Variants in CLEC4A observed in about 807,000 individuals in gnomAD.
CLEC4A encodes the protein C-type lectin domain family 4 member A.
Under a neutral mutation model 32.7 loss-of-function variants are expected in CLEC4A, and 27 were observed. That is an observed-to-expected ratio of 0.83 (90% CI 0.61 to 1.14). The LOEUF (loss-of-function observed/expected upper bound fraction) is 1.14. Among genes scored for constraint, CLEC4A ranks in the 50% most tolerant of loss-of-function variants. The pLI is 0.00. For synonymous variants in CLEC4A, 89 were observed against 93.7 expected (o/e 0.95, Z 0.29); for missense variants, 253 against 274.6 (o/e 0.92, Z 0.55).
intron 3 of CLEC4A, chr12:8,134,580 T>C (rs920281069): frequency 1.9e-6 from 3 of 1,613,226 alleles, no homozygotes; most frequent in Admixed American, 1.7e-5. Flanking sequence ...CTGAGAGGTC[T>C]CCAAGCCGTC....
intron 3 of CLEC4A, chr12:8,134,839 G>A: frequency 6.5e-7 from 1 of 1,544,940 alleles, no homozygotes; most frequent in Non-Finnish European, 8.7e-7. Flanking sequence ...TCCGAAGCCA[G>A]GTGTCCCGCC....
the CLEC4A span, among the ~76,000 whole-genome samples, chr12:8,104,898 CA>C: frequency 9.7e-4 from 148 of 152,240 alleles, no homozygotes; most frequent in Middle Eastern, 0.01. Flanking sequence ...CTGCCAAGGA[CA>C]TGTTCTTTTT....
the CLEC4A span, among the ~76,000 whole-genome samples, chr12:8,103,373 G>GTTTTTTTTTTTTTT: frequency 7.8e-4 from 61 of 78,010 alleles, 10 homozygotes; most frequent in African/African-American, 1.6e-3. Flanking sequence ...GTTTCTTTCT[G>GTTTTTTTTTTTTTT]TTGTTTTTTT....
the CLEC4A span, among the ~76,000 whole-genome samples, chr12:8,113,819 A>G: frequency 6.6e-6 from 1 of 152,202 alleles, no homozygotes; most frequent in African/African-American, 2.4e-5. Flanking sequence ...TGGGCAACTG[A>G]GACTCCATTC....
intron 3 of CLEC4A, chr12:8,133,983 C>A: frequency 6.2e-7 from 1 of 1,608,200 alleles, no homozygotes; most frequent in Non-Finnish European, 8.5e-7. Context: ...TGTGCATAGC[C>A]ACTGCTTGAT....
In CLEC4A at chr12:8,135,604, C is replaced by T. The variant is rs1250413349; in HGVS notation, c.318C>T (p.Cys106=). 2 of 1,613,998 alleles carry T rather than the reference C, an allele frequency of 1.2e-6. No individual in the cohort carries two copies. Among genetic ancestry groups the T allele is most frequent in the African/African-American group, 2.7e-5 (2 of 74,914 alleles). Residue 106 remains cysteine (C), a synonymous_variant, in exon 4 of 6, where the codon TGC becomes TGT. Transcript: ENST00000229332. The part of the protein sequence containing the change: ...MPVEETAWSC[C]PKNWKSFSSN... ...ATACAGAGACAGCCTGGAGCTGTTG[C>T]CCAAAGAATTGGAAGTCATTTAGTT... is the stretch of plus-strand genomic sequence containing the variant.
chr12:8,128,322 G>A lies in CLEC4A; in HGVS notation c.200-942G>A, dbSNP rs547598693. On this transcript the variant is annotated intron_variant, in intron 2 of 5. Coordinates refer to ENST00000229332, the MANE Select transcript of CLEC4A (RefSeq NM_016184.4). ...ATTACTGAGGATCCACTTTAGGGATGGTTTTAGTGAAATAGTGGAAGTAAA... is the reference window on the plus strand; with the variant it reads ...ATTACTGAGGATCCACTTTAGGGATAGTTTTAGTGAAATAGTGGAAGTAAA... Among the ~76,000 whole-genome samples, 388 of 152,174 alleles carry A rather than the reference G, an allele frequency of 2.5e-3. 1 individual carries two copies. Among genetic ancestry groups the A allele is most frequent in the Non-Finnish European group, 3.8e-3 (259 of 68,000 alleles).
chr12:8,138,154 G>T lies in CLEC4A; in HGVS notation c.581G>T (p.Arg194Leu), dbSNP rs145163817. 5 of 1,613,860 alleles carry T rather than the reference G, an allele frequency of 3.1e-6. No individual in the cohort carries two copies. In the East Asian group the frequency reaches 1.1e-4, roughly 36 times the overall value. Residue 194 changes from arginine to leucine, a missense_variant, in exon 6 of 6, where the codon CGT (arginine) becomes CTT (leucine). Physicochemically the swap from Arg to Leu is moderately radical, Grantham distance 102. Transcript: ENST00000229332. ...YNESSTFWHP[R>L]EPSDPNERCV... is the part of the protein sequence containing the mutation. Reference sequence around the variant, plus strand: ...GTCGCTTTCAGATTCTGGCATCCACGTGAGCCCAGTGATCCCAATGAGCGC... The same window carrying T: ...GTCGCTTTCAGATTCTGGCATCCACTTGAGCCCAGTGATCCCAATGAGCGC...
chr12:8,108,827 A>G, the CLEC4A span, among the ~76,000 whole-genome samples: 1 of 148,830 alleles, frequency 6.7e-6, no homozygotes, highest in South Asian at 2.2e-4. Flanking sequence ...CATCCCCTCA[A>G]TTAAACAAAA....
At chr12:8,103,373 GTTGTTTTTTTTTTTT>G in the CLEC4A span, among the ~76,000 whole-genome samples, 33 of 78,024 alleles carry the variant, frequency 4.2e-4, 6 homozygotes, top group South Asian at 6.7e-3. Flanking sequence ...GTTTCTTTCT[GTTGTTTTTTTTTTTT>G]TTTTTTTTTT....
chr12:8,119,915 A>G (rs1947816843), upstream of CLEC4A, among the ~76,000 whole-genome samples: 1 of 152,120 alleles, frequency 6.6e-6, no homozygotes, highest in Non-Finnish European at 1.5e-5. Context: ...AGGTTTTATG[A>G]TTTATTAGAA....
At chr12:8,120,657 T>C (rs1947823897), upstream of CLEC4A, among the ~76,000 whole-genome samples, 1 of 126,618 alleles carries the variant, frequency 7.9e-6, no homozygotes, top group African/African-American at 2.8e-5. Flanking sequence ...TTTAAATAAA[T>C]GTAAATAGAT....
intron 3 of CLEC4A, chr12:8,133,746 C>T (rs1948040406): frequency 6.9e-6 from 11 of 1,587,046 alleles, no homozygotes; most frequent in South Asian, 4.6e-5. Context: ...TCCCCCTGTC[C>T]CCCATTCCTA....
the CLEC4A span, among the ~76,000 whole-genome samples, chr12:8,112,949 A>G: frequency 6.6e-6 from 1 of 151,906 alleles, no homozygotes; most frequent in Non-Finnish European, 1.5e-5. Flanking sequence ...TAATAACCAT[A>G]TATCCATTGT....
At chr12:8,134,517 G>A in intron 3 of CLEC4A, 3 of 1,613,780 alleles carry the variant, frequency 1.9e-6, no homozygotes, top group Non-Finnish European at 2.5e-6. Flanking sequence ...GCAGGGCTCC[G>A]GGGAGGCCCC....
At chr12:8,127,045 T>C (rs761924491) in intron 2 of CLEC4A, among the ~76,000 whole-genome samples, 1 of 152,354 alleles carries the variant, frequency 6.6e-6, no homozygotes, top group East Asian at 1.9e-4. Flanking sequence ...CTTAGTGGAT[T>C]AAAACAGCAA....
upstream of CLEC4A, chr12:8,121,846 A>G (rs764131494): frequency 2.0e-4 from 30 of 153,054 alleles, no homozygotes; most frequent in African/African-American, 6.1e-4. Context: ...ATAGGGAGTC[A>G]GAGTCGCAAA....
At chr12:8,128,757 G>A (rs760567226) in intron 2 of CLEC4A, among the ~76,000 whole-genome samples, 8 of 152,296 alleles carry the variant, frequency 5.3e-5, no homozygotes, top group South Asian at 2.1e-4. Context: ...ACATGAGAGC[G>A]TTGGTGTGCT....
the CLEC4A span, among the ~76,000 whole-genome samples, chr12:8,114,355 C>T: frequency 6.6e-6 from 1 of 152,100 alleles, no homozygotes; most frequent in Admixed American, 6.6e-5. Context: ...CGCCATTCTC[C>T]TGCCTCAGCC....
Sources: allele counts gnomAD v4.1 joint callset (sites outside exome capture counted in the v4.1 genomes callset), GRCh38; gene constraint gnomAD v4.1.1; transcripts MANE v1.5; gene names NCBI Gene and HGNC (gene_info 2026-07-23, HGNC 2026-07-21).